The following VSIG10 variants were observed in gnomAD, a reference collection of about 807,000 sequenced individuals.
VSIG10 encodes the protein V-set and immunoglobulin domain containing 10.
In VSIG10, 48 loss-of-function variants were observed where a neutral mutation model predicts 58.7. The ratio of observed to expected loss-of-function variants is 0.82; its 90% CI spans 0.65 to 1.04. VSIG10 has a LOEUF of 1.04. Among genes scored for constraint, VSIG10 ranks in the 50% least tolerant of loss-of-function variants. VSIG10 has a pLI of 0.00. For missense variants in VSIG10, 628 were observed against 670.0 expected, an observed-to-expected ratio of 0.94 and a Z score of 0.69; for synonymous variants, 260 against 267.1, an observed-to-expected ratio of 0.97 and a Z score of 0.26.
intron 2 of VSIG10, among the ~76,000 whole-genome samples, chr12:118,083,122 A>C (rs1254098881): frequency 1.2e-4 from 3 of 24,882 alleles, no homozygotes; most frequent in African/African-American, 7.4e-4. Flanking sequence ...CACAAAAAAA[A>C]AAAAAAAAAA....
chr12:118,085,118 TTTC>T (rs1480899567), intron 2 of VSIG10, among the ~76,000 whole-genome samples: 2 of 152,264 alleles, frequency 1.3e-5, no homozygotes, highest in Non-Finnish European at 2.9e-5. Context: ...ACAAACAAGT[TTTC>T]TTCGGTGTAC....
At chr12:118,079,796 C>T (rs749241763) in intron 3 of VSIG10, among the ~76,000 whole-genome samples, 190 bp from the exon 4 acceptor site, 1 of 150,880 alleles carries the variant, frequency 6.6e-6, no homozygotes, top group Non-Finnish European at 1.5e-5. Context: ...GTTAAATTTC[C>T]GACCTGGGTC....
chr12:118,067,607 G>A (rs527300702), intron 8 of VSIG10, among the ~76,000 whole-genome samples: 2 of 151,944 alleles, frequency 1.3e-5, no homozygotes, highest in African/African-American at 4.8e-5. Flanking sequence ...GGGATTACAG[G>A]CACCTACCAC....
intron 4 of VSIG10, among the ~76,000 whole-genome samples, chr12:118,078,747 T>C (rs2032824348): frequency 6.6e-6 from 1 of 151,624 alleles, no homozygotes; most frequent in Admixed American, 6.6e-5. Context: ...GAGACCAGCC[T>C]GGCCAACATG....
intron 8 of VSIG10, among the ~76,000 whole-genome samples, chr12:118,067,548 C>G (rs1357274070): frequency 1.3e-5 from 2 of 151,454 alleles, no homozygotes; most frequent in African/African-American, 2.4e-5. Flanking sequence ...ACTGCAGCCT[C>G]CGTCTCCCGG....
Position 118,103,955 on chromosome 12 carries a change from A to C in VSIG10, c.-284T>G. ...CGCCAGCCTACTCCTGCCGGCGGAA[A>C]ACAACAGGAGCGGGATCCCTCCCGC... On this transcript the variant is annotated 5_prime_UTR_variant, in exon 1 of 9. Coordinates refer to ENST00000359236, the MANE Select transcript of VSIG10 (RefSeq NM_019086.6). 2.9e-6 allele frequency: 1 copy of C among 342,016 alleles called. No homozygotes were observed. The allele number at this position is 342,016 out of a possible 1,614,324, so 21.2% of individuals were successfully genotyped here.
intron 1 of VSIG10, among the ~76,000 whole-genome samples, chr12:118,096,781 G>C (rs1294844027): frequency 1.3e-5 from 2 of 151,380 alleles, no homozygotes; most frequent in Admixed American, 6.6e-5. Flanking sequence ...GCTCATGCCT[G>C]TAATCCCAGC....
intron 5 of VSIG10, among the ~76,000 whole-genome samples, chr12:118,072,224 G>A (rs1371218091): frequency 6.6e-6 from 1 of 152,110 alleles, no homozygotes; most frequent in Non-Finnish European, 1.5e-5. Flanking sequence ...CCAGCACTTT[G>A]GGAGGCCGAG....
chr12:118,074,536 T>A (rs536439983), intron 4 of VSIG10, among the ~76,000 whole-genome samples: 2 of 151,934 alleles, frequency 1.3e-5, no homozygotes, highest in South Asian at 4.2e-4. Flanking sequence ...TGGAGTGCAG[T>A]GATGCAATCT....
intron 8 of VSIG10, among the ~76,000 whole-genome samples, chr12:118,067,905 TAGTCTC>T (rs1566151699): frequency 9.9e-5 from 15 of 152,108 alleles, no homozygotes. Context: ...TAGTTGATAG[TAGTCTC>T]AGGTTCTAGA....
At chr12:118,098,728 G>A (rs2033541656) in intron 1 of VSIG10, among the ~76,000 whole-genome samples, 1 of 152,140 alleles carries the variant, frequency 6.6e-6, no homozygotes, top group Non-Finnish European at 1.5e-5. Context: ...GAAAAGGTGA[G>A]GATGGGTTCC....
chr12:118,080,933 T>C (rs1480401867), intron 3 of VSIG10, among the ~76,000 whole-genome samples: 3 of 152,096 alleles, frequency 2.0e-5, no homozygotes, highest in African/African-American at 4.8e-5. Context: ...AAAATGGTTA[T>C]CTGGGATAAC....
At chr12:118,097,909 G>A (rs1010517161) in intron 1 of VSIG10, among the ~76,000 whole-genome samples, 3 of 152,116 alleles carry the variant, frequency 2.0e-5, no homozygotes, top group African/African-American at 7.2e-5. Context: ...GGTGACAAGA[G>A]TGAAACTCTG....
intron 1 of VSIG10, 76 bp from the exon 2 acceptor site, chr12:118,095,890 T>TATTAGG (rs2033436797): frequency 1.4e-6 from 2 of 1,445,000 alleles, no homozygotes; most frequent in Non-Finnish European, 9.1e-7. Flanking sequence ...AGTACTCCTG[T>TATTAGG]ATTAGGATTT....
At chr12:118,067,031 C>T (rs1268691207) in intron 8 of VSIG10, among the ~76,000 whole-genome samples, 2 of 152,030 alleles carry the variant, frequency 1.3e-5, no homozygotes, top group Non-Finnish European at 2.9e-5. Flanking sequence ...CTGACCAGCA[C>T]ACCTCTCCGG....
intron 1 of VSIG10, among the ~76,000 whole-genome samples, chr12:118,097,888 A>C (rs2033510032): frequency 6.6e-6 from 1 of 152,072 alleles, no homozygotes; most frequent in Non-Finnish European, 1.5e-5. Context: ...GTACCACTGT[A>C]CTCCAGCCTG....
Position 118,082,142 on chromosome 12 carries a change from C to CGGT in VSIG10, c.646_648dup (p.Thr216dup), listed in dbSNP as rs1214980407. 1 of 1,613,394 alleles carries CGGT rather than the reference C, an allele frequency of 6.2e-7. No homozygotes were observed. Among genetic ancestry groups the CGGT allele is most frequent in the Non-Finnish European group, 8.5e-7 (1 of 1,179,660 alleles). ...GCTTACGCACAGTAGACCAGGAGCT[C>CGGT]GGTGGTCACCTTTCGATGTCTCTTG... On this transcript the variant is annotated inframe_insertion, in exon 3 of 9. Transcript: ENST00000359236.
intron 4 of VSIG10, among the ~76,000 whole-genome samples, chr12:118,078,466 G>T (rs2032813942): frequency 6.6e-6 from 1 of 152,012 alleles, no homozygotes; most frequent in Admixed American, 6.6e-5. Context: ...GCCACTGCTG[G>T]TTGTTAAAAA....
At chr12:118,070,952 T>TA in intron 7 of VSIG10, 100 bp downstream of exon 7, 1 of 1,395,722 alleles carries the variant, frequency 7.2e-7, no homozygotes, top group Non-Finnish European at 1.0e-6. Context: ...AGGTCCTCAA[T>TA]GGTAGTTGCT....
Sources: allele counts gnomAD v4.1 joint callset (sites outside exome capture counted in the v4.1 genomes callset), GRCh38; gene constraint gnomAD v4.1.1; transcripts MANE v1.5; gene names NCBI Gene and HGNC (gene_info 2026-07-23, HGNC 2026-07-21).